CALN1: variants seen among roughly 807,000 people sequenced by gnomAD.
CALN1 encodes the protein calneuron 1, also known as calcium-binding protein 8.
CALN1 carries 17 observed loss-of-function variants against 30.6 expected under a neutral mutation model. That is an observed-to-expected ratio of 0.56 (90% CI 0.38 to 0.83). The LOEUF (loss-of-function observed/expected upper bound fraction) is 0.83. Ranked by LOEUF, CALN1 falls within the 40% of genes least tolerant of loss-of-function variation. The pLI is 0.00. For synonymous variants in CALN1, 156 were observed against 131.4 expected, an observed-to-expected ratio of 1.19 and a Z score of -1.28; for missense variants, 291 against 354.9, an observed-to-expected ratio of 0.82 and a Z score of 1.45.
At chr7:72,324,560 A>ATTTTT (rs72514307) in intron 2 of CALN1, among the ~76,000 whole-genome samples, 12 of 73,930 alleles carry the variant, frequency 1.6e-4, no homozygotes, top group Admixed American at 1.4e-3. Context: ...AAATGATGTA[A>ATTTTT]TTTATTTATT....
chr7:71,908,559 C>T (rs188806785), intron 5 of CALN1, among the ~76,000 whole-genome samples: 63 of 152,080 alleles, frequency 4.1e-4, no homozygotes, highest in African/African-American at 1.4e-3. Context: ...CACTGATTCA[C>T]GAGAAAAGTA....
intron 2 of CALN1, among the ~76,000 whole-genome samples, chr7:72,363,262 G>A (rs531123364): frequency 2.0e-4 from 31 of 152,058 alleles, no homozygotes; most frequent in Non-Finnish European, 3.8e-4. Flanking sequence ...TTTTTGAGAC[G>A]AAGTCTCGCT....
chr7:72,345,951 G>A (rs1270997316), intron 2 of CALN1, among the ~76,000 whole-genome samples: 1 of 151,846 alleles, frequency 6.6e-6, no homozygotes, highest in Non-Finnish European at 1.5e-5. Context: ...ACCGAATTAA[G>A]AAAAAATAAA....
chr7:72,098,966 C>T (rs553938122), intron 4 of CALN1, among the ~76,000 whole-genome samples: 8 of 152,240 alleles, frequency 5.3e-5, no homozygotes, highest in Non-Finnish European at 8.8e-5. Context: ...CATGTGTAGC[C>T]GGCAAGGCAC....
At chr7:72,205,572 A>ATATATATG (rs1791803140) in intron 3 of CALN1, among the ~76,000 whole-genome samples, 1 of 126,688 alleles carries the variant, frequency 7.9e-6, no homozygotes, top group Non-Finnish European at 1.6e-5. Flanking sequence ...ATATATGTAT[A>ATATATATG]TATATATATA....
intron 3 of CALN1, among the ~76,000 whole-genome samples, chr7:72,107,585 T>C (rs1196256177): frequency 2.6e-5 from 4 of 152,138 alleles, no homozygotes; most frequent in Admixed American, 6.5e-5. Context: ...CAGTCCTGGA[T>C]TGGATGTATA....
At chr7:72,398,743 T>A (rs1420451632) in intron 2 of CALN1, among the ~76,000 whole-genome samples, 1 of 152,212 alleles carries the variant, frequency 6.6e-6, no homozygotes, top group Non-Finnish European at 1.5e-5. Context: ...CACCCCATTA[T>A]CCCAAATACA....
intron 3 of CALN1, among the ~76,000 whole-genome samples, chr7:72,251,594 C>A (rs2129552102): frequency 1.3e-5 from 2 of 152,064 alleles, no homozygotes; most frequent in Middle Eastern, 6.8e-3. Context: ...ACAGACAAGG[C>A]CTCACTCTGT....
At chr7:71,877,289 T>C (rs1397097722) in intron 5 of CALN1, among the ~76,000 whole-genome samples, 2 of 152,176 alleles carry the variant, frequency 1.3e-5, no homozygotes, top group East Asian at 1.9e-4. Context: ...CTGTTTTGAA[T>C]TGAGTCAGGA....
chr7:71,847,514 ACC>A (rs1790335856), intron 5 of CALN1, among the ~76,000 whole-genome samples: 1 of 151,080 alleles, frequency 6.6e-6, no homozygotes, highest in Admixed American at 6.6e-5. Context: ...CAAAACCAAA[ACC>A]AAAAACAAAA....
intron 2 of CALN1, among the ~76,000 whole-genome samples, chr7:72,302,772 G>A (rs1799368329): frequency 6.6e-6 from 1 of 151,570 alleles, no homozygotes; most frequent in African/African-American, 2.4e-5. Context: ...GTGGGCACCT[G>A]TAGTCCCAGC....
intron 1 of CALN1, among the ~76,000 whole-genome samples, chr7:72,430,312 A>G (rs1329825826): frequency 6.7e-6 from 1 of 148,246 alleles, no homozygotes; most frequent in Non-Finnish European, 1.5e-5. Flanking sequence ...TAATAATTAT[A>G]CATATTTTAA....
intron 4 of CALN1, among the ~76,000 whole-genome samples, chr7:72,047,306 C>G (rs577783326): frequency 3.9e-5 from 6 of 152,238 alleles, no homozygotes; most frequent in African/African-American, 1.2e-4. Context: ...GAGGCTGAAA[C>G]AGGAACGGAA....
intron 2 of CALN1, among the ~76,000 whole-genome samples, chr7:72,369,359 T>TGTTGTTGTTGTTG (rs1554390886): frequency 2.0e-5 from 3 of 146,714 alleles, no homozygotes; most frequent in African/African-American, 7.5e-5. Context: ...TATTTATTTT[T>TGTTGTTGTTGTTG]TTGTTGTTGT....
At chr7:71,926,723 A>G (rs1022987275) in intron 5 of CALN1, among the ~76,000 whole-genome samples, 1 of 151,260 alleles carries the variant, frequency 6.6e-6, no homozygotes, top group South Asian at 2.1e-4. Context: ...CATTTGGTCA[A>G]TTTCTATTGA....
At chr7:72,387,265 G>GA (rs1805276389) in intron 2 of CALN1, among the ~76,000 whole-genome samples, 1 of 47,146 alleles carries the variant, frequency 2.1e-5, no homozygotes, top group Non-Finnish European at 5.2e-5. Context: ...AGGAAGGGAG[G>GA]AAGGGAGGAA....
intron 5 of CALN1, among the ~76,000 whole-genome samples, chr7:72,021,231 C>T (rs539650835): frequency 1.3e-5 from 2 of 152,146 alleles, no homozygotes; most frequent in African/African-American, 4.8e-5. Flanking sequence ...GCTATGGTTG[C>T]ATCACTACCC....
At chr7:72,306,919 C>T (rs577807577) in intron 2 of CALN1, among the ~76,000 whole-genome samples, 3 of 152,238 alleles carry the variant, frequency 2.0e-5, no homozygotes, top group Non-Finnish European at 2.9e-5. Context: ...TCTGACTCTT[C>T]GTTGACACTC....
At position 71,784,807 on chromosome 7, in the gene CALN1, G is replaced by A. The variant is rs972703224; in HGVS notation, c.*2968C>T. 1 of 398,524 alleles carries A rather than the reference G, an allele frequency of 2.5e-6. No individual in the cohort carries two copies. The highest frequency in any genetic ancestry group is 2.1e-5 in the African/African-American group (1 of 48,602). 24.7% of individuals were successfully genotyped at this position (398,524 alleles called of 1,614,324 possible). On this transcript the variant is annotated 3_prime_UTR_variant, in exon 7 of 7. Transcript: ENST00000395275. Reference sequence around the variant, plus strand: ...TTCCTGCGGAAGTCACTTCCAGCTGGGGCTACATGGCATCCCTTGGGCATG... The same window carrying A: ...TTCCTGCGGAAGTCACTTCCAGCTGAGGCTACATGGCATCCCTTGGGCATG...
Sources: allele counts gnomAD v4.1 joint callset (sites outside exome capture counted in the v4.1 genomes callset), GRCh38; gene constraint gnomAD v4.1.1; transcripts MANE v1.5; gene names NCBI Gene and HGNC (gene_info 2026-07-23, HGNC 2026-07-21).